The following GMEB1 variants were observed in gnomAD, a reference collection of about 807,000 sequenced individuals.
GMEB1 encodes glucocorticoid modulatory element-binding protein 1.
Under a neutral mutation model 52.4 loss-of-function variants are expected in GMEB1, and 6 were observed. The ratio of observed to expected loss-of-function variants is 0.11; its 90% CI spans 0.06 to 0.23. The LOEUF (loss-of-function observed/expected upper bound fraction) is 0.23, where lower values mean the gene tolerates loss of function less well. GMEB1 is among the 10% of genes least tolerant of loss of function. The pLI is 1.00. For missense variants in GMEB1, 486 were observed against 685.6 expected (o/e 0.71, Z 3.25); for synonymous variants, 255 against 244.9 (o/e 1.04, Z -0.38).
In GMEB1 at chr1:28,691,612, A is replaced by G; in HGVS notation, c.239A>G (p.Asp80Gly). The change falls in exon 4 of 10, where the codon GAT becomes GGT. Residue 80 changes from aspartate to glycine, a missense_variant. By Grantham distance (94) the Asp-to-Gly change is moderately conservative. Coordinates refer to ENST00000373816, the MANE Select transcript of GMEB1 (RefSeq NM_001319674.2). The part of the protein sequence containing the change: ...IDTGTIEANE[D>G]MEIAYPITCG... The stretch of plus-strand genomic sequence containing the variant: ...ACAGGCACTATAGAAGCAAATGAGG[A>G]TATGGAAATTGCTTACCCCATAACT... The G allele has an allele frequency of 6.4e-7, 1 of 1,567,880 alleles. No homozygotes were observed. Among genetic ancestry groups the G allele is most frequent in the Non-Finnish European group, 8.7e-7 (1 of 1,148,794 alleles).
rs573625729 is a variant in GMEB1 at position 28,674,879 on chromosome 1, C to T, written c.-31+6040C>T. Among the ~76,000 whole-genome samples the T allele has an allele frequency of 3.9e-3, 524 of 135,004 alleles. 7 individuals carry two copies. Among genetic ancestry groups the T allele is most frequent in the African/African-American group, 0.014 (502 of 35,934 alleles). The allele number at this position is 135,004 out of a possible 152,430, so 88.6% of individuals were successfully genotyped here. ...GACTACAGGCGCCCGCCACTACGCC[C>T]GGCTAATTTTTTGTATTTTTAGTAG... On this transcript the variant is annotated intron_variant, in intron 1 of 9. Coordinates refer to ENST00000373816, the MANE Select transcript of GMEB1 (RefSeq NM_001319674.2).
Position 28,714,443 on chromosome 1 carries a change from C to G in GMEB1, c.1362C>G (p.Thr454=). 1 of 1,614,232 alleles carries G rather than the reference C, an allele frequency of 6.2e-7. No individual in the cohort carries two copies. The highest frequency in any genetic ancestry group is 2.2e-5 in the East Asian group (1 of 44,890). ...AGAGCAGCTCACCAGACACAGTGAC[C>G]ATCCACCCTTCATCTAGCTTGGCGC... ...SAKSSSPDTV[T]IHPSSSLALL... Residue 454 remains threonine (T), a synonymous_variant, in exon 10 of 10, where the codon ACC becomes ACG. Transcript: ENST00000373816.
intron 1 of GMEB1, among the ~76,000 whole-genome samples, chr1:28,673,137 G>A (rs534740711): frequency 3.9e-5 from 6 of 152,066 alleles, no homozygotes; most frequent in African/African-American, 1.4e-4. Context: ...CAGGTGATCC[G>A]CCTGCCTCGG....
Position 28,687,370 on chromosome 1 carries a change from ACAC to A in GMEB1, c.129-2733_129-2731del, listed in dbSNP as rs1557504149. On this transcript the variant is annotated intron_variant, in intron 2 of 9. Coordinates refer to ENST00000373816, the MANE Select transcript of GMEB1 (RefSeq NM_001319674.2). ...CACACACACACACACACACACACAC[ACAC>A]ACACACACACACACAAAAAAAGACA... is the stretch of plus-strand genomic sequence containing the variant. Among the ~76,000 whole-genome samples the A allele has an allele frequency of 6.2e-4, 52 of 84,286 alleles. 2 individuals carry two copies. The highest frequency in any genetic ancestry group is 1.1e-3 in the Non-Finnish European group (41 of 38,454). 55.3% of individuals were successfully genotyped at this position (84,286 alleles called of 152,430 possible). A position where few individuals can be genotyped will look rare whatever the true frequency, so the allele number is the denominator to read the frequency against.
intron 6 of GMEB1, among the ~76,000 whole-genome samples, chr1:28,700,252 C>T (rs1557515282): frequency 1.3e-5 from 2 of 151,820 alleles, no homozygotes; most frequent in South Asian, 2.1e-4. Flanking sequence ...GTGGCTCACA[C>T]CTGTAATCCC....
chr1:28,686,971 AAGG>A (rs949432407), intron 2 of GMEB1, among the ~76,000 whole-genome samples: 1 of 152,096 alleles, frequency 6.6e-6, no homozygotes, highest in African/African-American at 2.4e-5. Context: ...CTGGGTCACA[AAGG>A]AGGAAGTAAG....
At chr1:28,695,997 A>AAATTAGT (rs1414549905) in intron 5 of GMEB1, among the ~76,000 whole-genome samples, 3 of 149,780 alleles carry the variant, frequency 2.0e-5, no homozygotes, top group Non-Finnish European at 3.0e-5. Flanking sequence ...TTGTATGCAG[A>AAATTAGT]AATTAGTAAT....
intron 7 of GMEB1, among the ~76,000 whole-genome samples, chr1:28,703,491 G>A (rs1670608806): frequency 6.6e-6 from 1 of 151,730 alleles, no homozygotes; most frequent in African/African-American, 2.4e-5. Flanking sequence ...GAGAAACCCC[G>A]TCTCTACTAA....
At chr1:28,694,946 G>T (rs1350523387) in intron 5 of GMEB1, among the ~76,000 whole-genome samples, 2 of 147,158 alleles carry the variant, frequency 1.4e-5, no homozygotes, top group Non-Finnish European at 3.0e-5. Context: ...ACAGGCGTGA[G>T]CCACCGTGGC....
At chr1:28,671,699 GCA>G (rs1668890712) in intron 1 of GMEB1, among the ~76,000 whole-genome samples, 1 of 151,942 alleles carries the variant, frequency 6.6e-6, no homozygotes, top group African/African-American at 2.4e-5. Flanking sequence ...AGCCGAGAGC[GCA>G]CCACTGCTCT....
intron 7 of GMEB1, among the ~76,000 whole-genome samples, chr1:28,703,686 TAAAA>T (rs1229655582): frequency 2.6e-5 from 4 of 151,492 alleles, no homozygotes; most frequent in African/African-American, 9.7e-5. Context: ...AATAAAAAAA[TAAAA>T]AAAGAAAAGA....
chr1:28,703,067 A>G (rs910127898), intron 7 of GMEB1, among the ~76,000 whole-genome samples: 28 of 152,184 alleles, frequency 1.8e-4, no homozygotes, highest in African/African-American at 6.8e-4. Flanking sequence ...AGGTTCAGCA[A>G]CTTGCCTAAG....
At chr1:28,695,916 G>A (rs1327063459) in intron 5 of GMEB1, among the ~76,000 whole-genome samples, 1 of 99,862 alleles carries the variant, frequency 1.0e-5, no homozygotes, top group Non-Finnish European at 1.8e-5. Context: ...TCCAGCCTGG[G>A]CGACAGAGCG....
At chr1:28,693,075 C>A in intron 5 of GMEB1, 30 bp downstream of exon 5, 1 of 1,164,460 alleles carries the variant, frequency 8.6e-7, no homozygotes, top group Non-Finnish European at 1.2e-6. Context: ...ACATACCTTT[C>A]AACAAACTTT....
chr1:28,702,091 G>A (rs1047541350), intron 6 of GMEB1, among the ~76,000 whole-genome samples: 1 of 152,058 alleles, frequency 6.6e-6, no homozygotes, highest in Admixed American at 6.6e-5. Context: ...TAAGTCTGGG[G>A]CTGGCAGGCT....
intron 1 of GMEB1, among the ~76,000 whole-genome samples, chr1:28,680,898 G>T (rs1557498792): frequency 6.6e-6 from 1 of 152,048 alleles, no homozygotes; most frequent in Non-Finnish European, 1.5e-5. Flanking sequence ...ATAAAAATTA[G>T]CTGGACATGG....
intron 2 of GMEB1, among the ~76,000 whole-genome samples, chr1:28,684,424 G>A (rs550420379): frequency 1.3e-5 from 2 of 151,874 alleles, no homozygotes; most frequent in South Asian, 2.1e-4. Context: ...TTAGCTGGGC[G>A]TGGTAGCAGG....
At chr1:28,692,287 T>C (rs1670003689) in intron 4 of GMEB1, among the ~76,000 whole-genome samples, 1 of 152,012 alleles carries the variant, frequency 6.6e-6, no homozygotes, top group Non-Finnish European at 1.5e-5. Flanking sequence ...ATCCCAGCAC[T>C]TTGGGAGGCT....
intron 9 of GMEB1, among the ~76,000 whole-genome samples, chr1:28,711,502 G>T (rs1029345713): frequency 2.0e-5 from 3 of 152,052 alleles, no homozygotes; most frequent in African/African-American, 7.3e-5. Context: ...CACTGAGGCT[G>T]GAGTGCAGTG....
Sources: allele counts gnomAD v4.1 joint callset (sites outside exome capture counted in the v4.1 genomes callset), GRCh38; gene constraint gnomAD v4.1.1; transcripts MANE v1.5; gene names NCBI Gene and HGNC (gene_info 2026-07-23, HGNC 2026-07-21).